LIMCH1: variants seen among roughly 807,000 people sequenced by gnomAD.
LIMCH1 encodes the protein LIM and calponin homology domains 1.
Under a neutral mutation model 176.5 loss-of-function variants are expected in LIMCH1, and 113 were observed. The observed-to-expected ratio is 0.64, with a 90% CI of 0.55 to 0.75. The LOEUF (loss-of-function observed/expected upper bound fraction) is 0.75. Among genes scored for constraint, LIMCH1 ranks in the 30% least tolerant of loss-of-function variants. LIMCH1 has a pLI of 0.00. For synonymous variants in LIMCH1, 619 were observed against 645.9 expected, an observed-to-expected ratio of 0.96 and a Z score of 0.63; for missense variants, 1,674 against 1,814.9, an observed-to-expected ratio of 0.92 and a Z score of 1.41.
intron 26 of LIMCH1, 98 bp from the exon 27 acceptor site, chr4:41,684,299 A>G (rs1293483893): frequency 4.0e-6 from 4 of 993,966 alleles, no homozygotes; most frequent in Non-Finnish European, 5.8e-6. Context: ...CTTTTTTTAT[A>G]TTGTAATTGG....
intron 1 of LIMCH1, among the ~76,000 whole-genome samples, chr4:41,466,226 G>A (rs2154155718): frequency 6.6e-6 from 1 of 152,264 alleles, no homozygotes; most frequent in African/African-American, 2.4e-5. Context: ...CAAAGTGCTG[G>A]GATTACAGGC....
intron 3 of LIMCH1, among the ~76,000 whole-genome samples, chr4:41,525,089 T>C (rs923215825): frequency 6.6e-6 from 1 of 152,236 alleles, no homozygotes; most frequent in Non-Finnish European, 1.5e-5. Context: ...ATTTTTTTCA[T>C]GCGTTGATAT....
upstream of LIMCH1, among the ~76,000 whole-genome samples, chr4:41,360,026 G>GGTGTGTGTGTGTGTGTGTGTGTGT (rs35179191): frequency 3.4e-5 from 5 of 145,872 alleles, no homozygotes; most frequent in African/African-American, 1.3e-4. This position sits in a 1 kb window ranked among gnomAD's most constrained non-coding sequence, Gnocchi z 4.5. Context: ...GGGTGTGTAG[G>GGTGTGTGTGTGTGTGTGTGTGTGT]GTGTGTGTGT....
intron 1 of LIMCH1, among the ~76,000 whole-genome samples, chr4:41,392,717 G>A (rs1385043481): frequency 6.6e-6 from 1 of 152,108 alleles, no homozygotes; most frequent in Non-Finnish European, 1.5e-5. Flanking sequence ...TGAAATGGAA[G>A]GCTAAACTCT....
At position 41,549,287 on chromosome 4, in the gene LIMCH1, C is replaced by T. The variant is rs555534911; in HGVS notation, c.-241+10937C>T. Among the ~76,000 whole-genome samples, 15 of 152,220 alleles carry T rather than the reference C, an allele frequency of 9.9e-5. No individual in the cohort carries two copies. In the South Asian group the frequency reaches 1.0e-3, roughly 11 times the overall value. On this transcript the variant is annotated intron_variant, in intron 1 of 31. Coordinates refer to ENST00000503057, the MANE Select transcript of LIMCH1 (RefSeq NM_001330672.2). Reference sequence around the variant, plus strand: ...TAGTATGTGCTCACCATGTGCTAAGCGCTTTATTTCTATTCTTTACTCTTC... The same window carrying T: ...TAGTATGTGCTCACCATGTGCTAAGTGCTTTATTTCTATTCTTTACTCTTC...
chr4:41,645,592 CA>C (rs1226261119), intron 15 of LIMCH1, among the ~76,000 whole-genome samples: 1 of 152,210 alleles, frequency 6.6e-6, no homozygotes, highest in African/African-American at 2.4e-5. Context: ...CACTCTTCAT[CA>C]TTATGCTATA....
intron 22 of LIMCH1, 127 bp downstream of exon 22, chr4:41,671,721 G>C: frequency 1.5e-6 from 1 of 679,974 alleles, no homozygotes; most frequent in Non-Finnish European, 2.6e-6. Flanking sequence ...CCAACACTTT[G>C]GGAGGGTGAG....
chr4:41,639,532 C>T (rs1409936433), intron 14 of LIMCH1, among the ~76,000 whole-genome samples: 1 of 152,156 alleles, frequency 6.6e-6, no homozygotes, highest in African/African-American at 2.4e-5. Context: ...TAAGACATGA[C>T]TGGCCCTTCC....
chr4:41,407,709 A>G (rs965100603), intron 1 of LIMCH1, among the ~76,000 whole-genome samples: 1 of 152,166 alleles, frequency 6.6e-6, no homozygotes, highest in Non-Finnish European at 1.5e-5. Flanking sequence ...CTCCTATCCC[A>G]TAGCGACCAC....
At position 41,628,987 on chromosome 4, in the gene LIMCH1, G is replaced by T. The variant is rs531927951; in HGVS notation, c.1029-505G>T. On this transcript the variant is annotated intron_variant, in intron 8 of 31. Transcript: ENST00000503057. ...TTAGATGTACTTTCTGGCAGCTGTG[G>T]GTTTAGGTTTGAGATGTTTAATATG... Among the ~76,000 whole-genome samples, 9 of 152,288 alleles carry T rather than the reference G, an allele frequency of 5.9e-5. No individual in the cohort carries two copies. In the East Asian group the frequency reaches 1.7e-3, roughly 29 times the overall value.
intron 1 of LIMCH1, among the ~76,000 whole-genome samples, chr4:41,576,304 T>C: frequency 7.0e-6 from 1 of 143,818 alleles, no homozygotes; most frequent in South Asian, 2.1e-4. Context: ...CAAAAGTAAC[T>C]TATTGTTTTA....
rs539198756 is a variant in LIMCH1 at position 41,631,234 on chromosome 4, G to A, written c.1358G>A (p.Arg453His). The A allele has an allele frequency of 2.5e-5, 39 of 1,536,064 alleles. No individual in the cohort carries two copies. Among genetic ancestry groups the A allele is most frequent in the South Asian group, 2.0e-4 (17 of 84,056 alleles). ...GCCATTCGTGATGACTTTGCCAACC[G>A]CAAAGCAAGGGCCTCTAAGAAAGCT... is the stretch of plus-strand genomic sequence containing the variant. ...ETAIRDDFANRKARASKKASS... is the reference protein window; with the variant it reads ...ETAIRDDFANHKARASKKASS... Residue 453 changes from arginine to histidine, a missense_variant, in exon 10 of 32, where the codon CGC (arginine) becomes CAC (histidine). Transcript: ENST00000503057.
intron 1 of LIMCH1, among the ~76,000 whole-genome samples, chr4:41,548,927 G>C (rs1460821419): frequency 6.6e-5 from 10 of 152,156 alleles, no homozygotes; most frequent in Non-Finnish European, 1.5e-4. Flanking sequence ...CTTTGGGCAG[G>C]GTAGTTTCTG....
intron 1 of LIMCH1, among the ~76,000 whole-genome samples, chr4:41,389,987 G>T (rs2057015127): frequency 6.6e-6 from 1 of 152,070 alleles, no homozygotes; most frequent in Admixed American, 6.5e-5. Flanking sequence ...AGCTAGACTT[G>T]GTGCTTCTCT....
At chr4:41,527,385 A>G (rs1207073468) in intron 3 of LIMCH1, among the ~76,000 whole-genome samples, 1 of 152,218 alleles carries the variant, frequency 6.6e-6, no homozygotes, top group Non-Finnish European at 1.5e-5. Context: ...ACTTACCGAT[A>G]TCTATAATGG....
chr4:41,458,836 T>C (rs2154151687), intron 1 of LIMCH1, among the ~76,000 whole-genome samples: 1 of 150,596 alleles, frequency 6.6e-6, no homozygotes, highest in African/African-American at 2.5e-5. Context: ...CTAAGGAAGC[T>C]GAACTCTTTC....
intron 1 of LIMCH1, among the ~76,000 whole-genome samples, chr4:41,556,883 CA>C (rs2152536970): frequency 6.6e-6 from 1 of 152,130 alleles, no homozygotes; most frequent in Non-Finnish European, 1.5e-5. Flanking sequence ...TAAAATTCAC[CA>C]CAGGATCTAC....
chr4:41,400,944 T>G (rs1257778435), intron 1 of LIMCH1, among the ~76,000 whole-genome samples: 2 of 152,200 alleles, frequency 1.3e-5, no homozygotes, highest in African/African-American at 4.8e-5. Flanking sequence ...CTTTGTCAGA[T>G]GAGTAGGTTG....
At position 41,626,781 on chromosome 4, in the gene LIMCH1, C is replaced by T. The variant is rs1312611370; in HGVS notation, c.799C>T (p.His267Tyr). 6.5e-7 allele frequency: 1 copy of T among 1,536,352 alleles called. No homozygotes were observed. Among genetic ancestry groups the T allele is most frequent in the South Asian group, 1.2e-5 (1 of 84,060 alleles). Reference protein sequence around the residue: ...VLRKENSFLTHQHGNDSEAEG... With the variant: ...VLRKENSFLTYQHGNDSEAEG... ...TCGCAAAGAAAACTCTTTCCTGACC[C>T]ACCAACATGGCAACGATTCAGAGGC... The change falls in exon 8 of 32, where the codon CAC becomes TAC. Residue 267 changes from histidine (H) to tyrosine (Y), a missense_variant. Physicochemically the swap from His to Tyr is moderately conservative, Grantham distance 83. Coordinates refer to ENST00000503057, the MANE Select transcript of LIMCH1 (RefSeq NM_001330672.2).
Sources: gnomAD v4.1 joint callset for allele counts (sites outside exome capture counted in the v4.1 genomes callset) on GRCh38, gnomAD v4.1.1 for gene constraint, Gnocchi (gnomAD v3.1) non-coding constraint, MANE v1.5 for transcripts, NCBI Gene and HGNC (gene_info 2026-07-23, HGNC 2026-07-21) for gene names.